The following SPAG16 variants were observed in gnomAD, a reference collection of about 807,000 sequenced individuals.
SPAG16 encodes sperm-associated antigen 16 protein.
In SPAG16, 86 loss-of-function variants were observed where a neutral mutation model predicts 80.4. That is an observed-to-expected ratio of 1.07 (90% confidence interval 0.90 to 1.28). The LOEUF is 1.28. Ranked by LOEUF, SPAG16 falls within the 50% of genes most tolerant of loss-of-function variation. The pLI is 0.00. For missense variants in SPAG16, 870 were observed against 765.3 expected (o/e 1.14, Z -1.61); for synonymous variants, 294 against 265.9 (o/e 1.11, Z -1.03).
chr2:213,328,912 T>C (rs192952355), intron 5 of SPAG16, among the ~76,000 whole-genome samples: 6 of 152,250 alleles, frequency 3.9e-5, no homozygotes, highest in Admixed American at 3.9e-4. Context: ...GGCAGGTCTT[T>C]CCAATGCTGT....
intron 15 of SPAG16, among the ~76,000 whole-genome samples, chr2:214,251,077 C>A (rs1690258848): frequency 6.6e-6 from 1 of 151,564 alleles, no homozygotes; most frequent in Admixed American, 6.6e-5. Context: ...TTAAAGATTT[C>A]TTTTTCCCTT....
intron 8 of SPAG16, among the ~76,000 whole-genome samples, chr2:213,366,884 C>G (rs990038035): frequency 1.3e-5 from 2 of 152,002 alleles, no homozygotes; most frequent in African/African-American, 2.4e-5. Context: ...GTGTGCTGCA[C>G]CCATTAACTC....
At chr2:213,501,833 T>G (rs542185287) in intron 10 of SPAG16, among the ~76,000 whole-genome samples, 5 of 152,288 alleles carry the variant, frequency 3.3e-5, no homozygotes, top group African/African-American at 9.6e-5. Flanking sequence ...GAAAAGTAAT[T>G]TTATCGATTT....
intron 10 of SPAG16, among the ~76,000 whole-genome samples, chr2:213,725,353 G>A (rs1211482484): frequency 6.6e-6 from 1 of 152,192 alleles, no homozygotes; most frequent in Non-Finnish European, 1.5e-5. Flanking sequence ...TTCAATTGCT[G>A]TGTGCCTCAC....
chr2:213,372,581 A>C (rs2066695560), intron 8 of SPAG16, among the ~76,000 whole-genome samples: 1 of 152,098 alleles, frequency 6.6e-6, no homozygotes, highest in Non-Finnish European at 1.5e-5. Context: ...TGGTCTAATT[A>C]ATACTTTTTT....
intron 10 of SPAG16, among the ~76,000 whole-genome samples, chr2:213,680,242 C>G (rs978912509): frequency 2.4e-4 from 36 of 152,092 alleles, no homozygotes; most frequent in African/African-American, 8.2e-4. Context: ...AGAACTCCAC[C>G]TAGTCCCTTT....
intron 15 of SPAG16, among the ~76,000 whole-genome samples, chr2:214,212,712 A>G (rs895941623): frequency 1.3e-5 from 2 of 152,140 alleles, no homozygotes; most frequent in Admixed American, 6.5e-5. Context: ...TACTCTTTCT[A>G]TTTTTCATCC....
intron 7 of SPAG16, among the ~76,000 whole-genome samples, chr2:213,358,547 T>C (rs1438683250): frequency 6.6e-6 from 1 of 152,232 alleles, no homozygotes; most frequent in African/African-American, 2.4e-5. Flanking sequence ...CTTGATTGAA[T>C]TGGTTACTGA....
intron 10 of SPAG16, among the ~76,000 whole-genome samples, chr2:213,859,140 C>G (rs918793684): frequency 7.4e-5 from 9 of 122,386 alleles, no homozygotes; most frequent in African/African-American, 2.4e-4. Flanking sequence ...GATCACACCA[C>G]TGCTCTCCAG....
Position 213,438,618 on chromosome 2 carries a change from A to G in SPAG16, c.943-51345A>G, listed in dbSNP as rs1369723654. Reference sequence around the variant, plus strand: ...AGGTAGAGTTCAAAGATGATCCCCAATAACTCACGTCCTTATACTGTGAGC... The same window carrying G: ...AGGTAGAGTTCAAAGATGATCCCCAGTAACTCACGTCCTTATACTGTGAGC... On this transcript the variant is annotated intron_variant, in intron 9 of 15. Coordinates refer to ENST00000331683, the MANE Select transcript of SPAG16 (RefSeq NM_024532.5). Among the ~76,000 whole-genome samples, 2 of 152,240 alleles carry G rather than the reference A, an allele frequency of 1.3e-5. 1 individual carries two copies. The highest frequency in any genetic ancestry group is 2.9e-5 in the Non-Finnish European group (2 of 68,044).
intron 13 of SPAG16, among the ~76,000 whole-genome samples, chr2:214,064,024 A>C (rs1023339571): frequency 1.3e-5 from 2 of 152,170 alleles, no homozygotes; most frequent in African/African-American, 2.4e-5. Context: ...CTCTCATTCC[A>C]ACAACCTAGA....
intron 10 of SPAG16, among the ~76,000 whole-genome samples, chr2:213,819,111 T>A (rs2072767374): frequency 6.6e-6 from 1 of 152,222 alleles, no homozygotes; most frequent in South Asian, 2.1e-4. Context: ...GTGGAACATT[T>A]CTTTATAAAA....
chr2:213,674,956 C>G (rs538894151), intron 10 of SPAG16, among the ~76,000 whole-genome samples: 7 of 150,206 alleles, frequency 4.7e-5, no homozygotes, highest in Admixed American at 6.6e-5. Flanking sequence ...TGAGGAATCA[C>G]CACACTGACT....
chr2:213,963,835 G>A (rs2044577115), intron 12 of SPAG16, among the ~76,000 whole-genome samples: 1 of 151,934 alleles, frequency 6.6e-6, no homozygotes, highest in African/African-American at 2.4e-5. Flanking sequence ...TATTAGTATA[G>A]TTACTCCAAC....
intron 13 of SPAG16, among the ~76,000 whole-genome samples, chr2:214,038,204 GTA>G (rs1291317210): frequency 6.6e-6 from 1 of 152,106 alleles, no homozygotes; most frequent in Non-Finnish European, 1.5e-5. Context: ...AGGAAAGACT[GTA>G]CTTTTGTTCT....
intron 10 of SPAG16, among the ~76,000 whole-genome samples, chr2:213,831,993 T>C (rs1284479229): frequency 6.6e-6 from 1 of 152,024 alleles, no homozygotes; most frequent in African/African-American, 2.4e-5. Flanking sequence ...TTTAATTCTC[T>C]TTATTTTTTT....
intron 9 of SPAG16, among the ~76,000 whole-genome samples, chr2:213,438,751 AC>A (rs1163731992): frequency 6.6e-6 from 1 of 152,196 alleles, no homozygotes; most frequent in Non-Finnish European, 1.5e-5. Context: ...TGTAATTAGT[AC>A]CCCCAATCAA....
intron 10 of SPAG16, among the ~76,000 whole-genome samples, chr2:213,613,826 T>A (rs528651416): frequency 6.6e-6 from 1 of 152,372 alleles, no homozygotes; most frequent in South Asian, 2.1e-4. Context: ...TTCTTCCTAT[T>A]CCTCTCCCTA....
intron 5 of SPAG16, among the ~76,000 whole-genome samples, chr2:213,327,876 GATGATT>G (rs2063912660): frequency 6.6e-6 from 1 of 152,054 alleles, no homozygotes; most frequent in South Asian, 2.1e-4. Flanking sequence ...AAATGATGAT[GATGATT>G]ATGAGTACAG....
Sources: gnomAD v4.1 joint callset for allele counts (sites outside exome capture counted in the v4.1 genomes callset) on GRCh38, gnomAD v4.1.1 for gene constraint, MANE v1.5 for transcripts, NCBI Gene and HGNC (gene_info 2026-07-23, HGNC 2026-07-21) for gene names.